Variants in IMMP1L observed in about 807,000 individuals in gnomAD.
The protein encoded by IMMP1L is mitochondrial inner membrane protease subunit 1.
In IMMP1L, 24 loss-of-function variants were observed where a neutral mutation model predicts 21.8. That is an observed-to-expected ratio of 1.10 (90% confidence interval 0.80 to 1.55). The LOEUF (loss-of-function observed/expected upper bound fraction) is 1.55. IMMP1L is among the 40% of genes most tolerant of loss of function. The pLI, the probability that IMMP1L is intolerant of heterozygous loss-of-function variation, is 0.00. For missense variants in IMMP1L, 195 were observed against 200.7 expected, an observed-to-expected ratio of 0.97 and a Z score of 0.17; for synonymous variants, 46 against 62.8, an observed-to-expected ratio of 0.73 and a Z score of 1.26.
At chr11:31,488,012 A>C (rs931699872) in intron 1 of IMMP1L, among the ~76,000 whole-genome samples, 1 of 152,136 alleles carries the variant, frequency 6.6e-6, no homozygotes, top group Admixed American at 6.6e-5. Context: ...CCCATCTATT[A>C]AGTGCCAACT....
intron 3 of IMMP1L, among the ~76,000 whole-genome samples, chr11:31,459,871 A>C (rs1442151789): frequency 6.6e-6 from 1 of 152,182 alleles, no homozygotes; most frequent in African/African-American, 2.4e-5. Flanking sequence ...AAAATCATCA[A>C]ATGGGCTGGG....
chr11:31,504,684 A>T (rs28446615), intron 1 of IMMP1L, among the ~76,000 whole-genome samples: 39,449 of 152,144 alleles, frequency 0.26, 5,279 homozygotes, highest in South Asian at 0.34. Flanking sequence ...ATTATAATAC[A>T]TTTATATAAT....
chr11:31,466,978 C>A (rs893374218), intron 1 of IMMP1L, among the ~76,000 whole-genome samples: 9 of 152,026 alleles, frequency 5.9e-5, no homozygotes, highest in African/African-American at 2.2e-4. Context: ...CTGATTTGAT[C>A]ATTATATACT....
At chr11:31,497,024 T>C (rs1592041999) in intron 1 of IMMP1L, among the ~76,000 whole-genome samples, 1 of 126,448 alleles carries the variant, frequency 7.9e-6, no homozygotes, top group African/African-American at 4.6e-5. Context: ...AGATTGCACA[T>C]GTTACATATA....
At chr11:31,508,217 C>A (rs960369351) in intron 1 of IMMP1L, among the ~76,000 whole-genome samples, 3 of 152,116 alleles carry the variant, frequency 2.0e-5, no homozygotes, top group Admixed American at 1.3e-4. Flanking sequence ...TGCTTTGTCA[C>A]TTTTTCTTTT....
intron 4 of IMMP1L, among the ~76,000 whole-genome samples, chr11:31,455,546 T>A (rs1010300369): frequency 2.6e-5 from 4 of 152,128 alleles, no homozygotes; most frequent in Non-Finnish European, 4.4e-5. Context: ...TACACACAAT[T>A]TCGATTATCA....
chr11:31,504,043 T>A (rs951260502), intron 1 of IMMP1L, among the ~76,000 whole-genome samples: 17 of 152,162 alleles, frequency 1.1e-4, no homozygotes. Flanking sequence ...AATAAACACA[T>A]CTTTACCGCT....
intron 1 of IMMP1L, among the ~76,000 whole-genome samples, chr11:31,497,532 G>A (rs759836009): frequency 1.4e-4 from 21 of 146,700 alleles, no homozygotes; most frequent in Admixed American, 2.8e-4. Context: ...TGCGATCTCC[G>A]CTCACCGCAA....
intron 1 of IMMP1L, among the ~76,000 whole-genome samples, chr11:31,465,249 T>C (rs1412216386): frequency 6.6e-6 from 1 of 151,510 alleles, no homozygotes; most frequent in Non-Finnish European, 1.5e-5. Flanking sequence ...CCCAAGGAGG[T>C]GAAAGACCTC....
intron 1 of IMMP1L, among the ~76,000 whole-genome samples, chr11:31,478,452 A>T (rs550017724): frequency 1.3e-5 from 2 of 152,300 alleles, no homozygotes; most frequent in East Asian, 3.9e-4. Flanking sequence ...GTAATCTTGG[A>T]TTACAATTGA....
intron 1 of IMMP1L, among the ~76,000 whole-genome samples, chr11:31,480,004 G>T (rs916056232): frequency 5.3e-5 from 8 of 151,982 alleles, no homozygotes; most frequent in African/African-American, 1.9e-4. Flanking sequence ...TATAAAAAAA[G>T]AATGATGTGA....
chr11:31,438,939 G>A (rs1207497668), intron 4 of IMMP1L, among the ~76,000 whole-genome samples: 1 of 152,106 alleles, frequency 6.6e-6, no homozygotes, highest in African/African-American at 2.4e-5. Context: ...ATCCTCATCA[G>A]TGAATACAGA....
chr11:31,488,039 T>C (rs1369341175), intron 1 of IMMP1L, among the ~76,000 whole-genome samples: 3 of 152,138 alleles, frequency 2.0e-5, no homozygotes, highest in East Asian at 1.9e-4. Flanking sequence ...AATTACATTG[T>C]GTCCAGCAGG....
intron 1 of IMMP1L, among the ~76,000 whole-genome samples, chr11:31,507,501 G>C (rs1955812824): frequency 6.6e-6 from 1 of 152,124 alleles, no homozygotes; most frequent in Non-Finnish European, 1.5e-5. Flanking sequence ...TAGGAAACAA[G>C]GGAATATGTA....
intron 1 of IMMP1L, among the ~76,000 whole-genome samples, chr11:31,498,894 T>C (rs9804562): frequency 1.5e-3 from 234 of 152,300 alleles, no homozygotes; most frequent in African/African-American, 5.6e-3. Flanking sequence ...AACAAAAACA[T>C]TACTTAATAT....
At chr11:31,441,757 T>C (rs1264292566) in intron 4 of IMMP1L, among the ~76,000 whole-genome samples, 1 of 152,080 alleles carries the variant, frequency 6.6e-6, no homozygotes, top group Non-Finnish European at 1.5e-5. Context: ...TTTTCTTTCC[T>C]TTTTTTGTGC....
chr11:31,454,267 G>T (rs1371577541), intron 4 of IMMP1L, among the ~76,000 whole-genome samples: 1 of 151,722 alleles, frequency 6.6e-6, no homozygotes, highest in East Asian at 1.9e-4. Flanking sequence ...ACACCCTACT[G>T]GTGTTCTACC....
intron 1 of IMMP1L, 143 bp downstream of exon 1, chr11:31,509,376 A>G (rs566990389): frequency 1.2e-5 from 2 of 171,132 alleles, no homozygotes; most frequent in South Asian, 2.8e-4. Context: ...AGCAGGAAAA[A>G]AGTCTATCCT....
chr11:31,497,493 C>T (rs1404307171), intron 1 of IMMP1L, among the ~76,000 whole-genome samples: 7 of 142,248 alleles, frequency 4.9e-5, no homozygotes, highest in Middle Eastern at 4.1e-3. Flanking sequence ...ATGGGAGTCT[C>T]GCTCTGTCGC....
Sources: allele counts gnomAD v4.1 joint callset (sites outside exome capture counted in the v4.1 genomes callset), GRCh38; gene constraint gnomAD v4.1.1; transcripts MANE v1.5; gene names NCBI Gene and HGNC (gene_info 2026-07-23, HGNC 2026-07-21).